PRTG: variants seen among roughly 807,000 people sequenced by gnomAD.
PRTG encodes immunoglobulin superfamily, DCC subclass, member 5.
PRTG carries 67 observed loss-of-function variants against 122.5 expected under a neutral mutation model. The ratio of observed to expected loss-of-function variants is 0.55; its 90% CI spans 0.45 to 0.67. The LOEUF (loss-of-function observed/expected upper bound fraction) is 0.67, where lower values mean the gene tolerates loss of function less well. Ranked by LOEUF, PRTG falls within the 30% of genes least tolerant of loss-of-function variation. The pLI is 0.00. For synonymous variants in PRTG, 554 were observed against 501.1 expected, an observed-to-expected ratio of 1.11 and a Z score of -1.41; for missense variants, 1,435 against 1,415.4, an observed-to-expected ratio of 1.01 and a Z score of -0.22.
At chr15:55,655,025 T>C (rs1194034239) in intron 11 of PRTG, 1 of 152,198 alleles carries the variant, frequency 6.6e-6, no homozygotes, top group Non-Finnish European at 1.5e-5. Context: ...AAACCAATCT[T>C]AAATTCTTCT....
chr15:55,680,417 AC>A (rs2059531095), intron 5 of PRTG, 73 bp downstream of exon 5: 1 of 1,424,802 alleles, frequency 7.0e-7, no homozygotes, highest in African/African-American at 1.5e-5. Context: ...TATAAAATAA[AC>A]ATTTTATAAA....
At position 55,680,481 on chromosome 15, in the gene PRTG, G is replaced by A. The variant is rs774351054; in HGVS notation, c.814+10C>T. Reference sequence around the variant, plus strand: ...AAAAGACTTTTTTTTTTTTTCCTGAGAAGACTTACCAAGGCGGCTCCAAGA... The same window carrying A: ...AAAAGACTTTTTTTTTTTTTCCTGAAAAGACTTACCAAGGCGGCTCCAAGA... On this transcript the variant is annotated intron_variant, in intron 5 of 19. Transcript: ENST00000389286. 6.4e-7 allele frequency: 1 copy of A among 1,555,010 alleles called. No individual in the cohort carries two copies. Among genetic ancestry groups the A allele is most frequent in the Non-Finnish European group, 8.6e-7 (1 of 1,158,962 alleles).
At chr15:55,666,723 G>T (rs548073835) in intron 11 of PRTG, among the ~76,000 whole-genome samples, 1 of 152,274 alleles carries the variant, frequency 6.6e-6, no homozygotes, top group South Asian at 2.1e-4. Flanking sequence ...TAAATACATT[G>T]CTCTCCTGGG....
intron 2 of PRTG, among the ~76,000 whole-genome samples, chr15:55,733,019 G>C (rs1164193134): frequency 2.0e-5 from 3 of 152,040 alleles, no homozygotes; most frequent in African/African-American, 7.2e-5. Context: ...AGACCATTCT[G>C]GTCACATGGG....
intron 6 of PRTG, 190 bp from the exon 7 acceptor site, chr15:55,679,635 T>A: frequency 1.9e-6 from 1 of 515,010 alleles, no homozygotes; most frequent in Non-Finnish European, 3.4e-6. Context: ...ACTTCCTCCA[T>A]GATTTCCCTA....
rs1567106830 is a variant in PRTG at position 55,702,531 on chromosome 15, C to CT, written c.398-18601_398-18600insA. 5.9e-5 allele frequency among the ~76,000 whole-genome samples: 9 copies of CT among 152,258 alleles called. No individual in the cohort carries two copies. The South Asian group carries it at 1.9e-3, about 32-fold the overall frequency. On this transcript the variant is annotated intron_variant, in intron 2 of 19. Coordinates refer to ENST00000389286, the MANE Select transcript of PRTG (RefSeq NM_173814.6). ...TCTAGAGCATATAGTATAATGTGTA[C>CT]ATAGTAATAATCTGAAGAACCATAA...
At position 55,673,461 on chromosome 15, in the gene PRTG, G is replaced by C; in HGVS notation, c.1762C>G (p.Leu588Val). The C allele has an allele frequency of 6.2e-7, 1 of 1,614,146 alleles. No individual in the cohort carries two copies. The highest frequency in any genetic ancestry group is 8.5e-7 in the Non-Finnish European group (1 of 1,179,998). The change falls in exon 10 of 20, where the codon CTG (leucine) becomes GTG (valine). Residue 588 changes from leucine to valine, a missense_variant. Coordinates refer to ENST00000389286, the MANE Select transcript of PRTG (RefSeq NM_173814.6). ...CTGGTGGCAGCAGTAATCCGAACCA[G>C]GTAGACACTGTCAGGTTTCAGGCCT... The part of the protein sequence containing the change: ...LEGLKPDSVY[L>V]VRITAATRVG...
intron 16 of PRTG, among the ~76,000 whole-genome samples, chr15:55,627,911 C>A (rs115417045): frequency 0.012 from 1,896 of 152,158 alleles, 46 homozygotes; most frequent in African/African-American, 0.04. Flanking sequence ...TGGGGTGGGG[C>A]ATGTGATTCT....
In PRTG at chr15:55,638,590, C is replaced by A. The variant is rs1310648494; in HGVS notation, c.2411G>T (p.Ser804Ile). Residue 804 changes from serine to isoleucine, a missense_variant, in exon 14 of 20, where the codon AGT becomes ATT. Ser to Ile is a moderately radical substitution (Grantham distance 142). Coordinates refer to ENST00000389286, the MANE Select transcript of PRTG (RefSeq NM_173814.6). ...AVRLHVDQLS[S>I]PWSPVVYHST... ...ATGGTAGACTACAGGGCTCCAAGGA[C>A]TGGAAAGCTGATCCACATGTAATCG... 1 of 1,613,420 alleles carries A rather than the reference C, an allele frequency of 6.2e-7. No homozygotes were observed. Among genetic ancestry groups the A allele is most frequent in the Non-Finnish European group, 8.5e-7 (1 of 1,179,610 alleles).
chr15:55,673,948 T>C (rs1376394016), intron 9 of PRTG, among the ~76,000 whole-genome samples: 2 of 152,202 alleles, frequency 1.3e-5, no homozygotes, highest in Non-Finnish European at 2.9e-5. Context: ...GAATATTTGA[T>C]ATTCATACAA....
rs545213275 is a variant in PRTG at position 55,700,047 on chromosome 15, T to C, written c.398-16116A>G. 5.3e-5 allele frequency among the ~76,000 whole-genome samples: 8 copies of C among 152,286 alleles called. No homozygotes were observed. In the South Asian group the frequency reaches 1.7e-3, roughly 32 times the overall value. ...CACTGTCTGATTTCAAGAATTAAAATGATTTCAAAAATTACTGATAAAGGA... is the reference window on the plus strand; with the variant it reads ...CACTGTCTGATTTCAAGAATTAAAACGATTTCAAAAATTACTGATAAAGGA... On this transcript the variant is annotated intron_variant, in intron 2 of 19. Coordinates refer to ENST00000389286, the MANE Select transcript of PRTG (RefSeq NM_173814.6).
At position 55,683,775 on chromosome 15, in the gene PRTG, A is replaced by C; in HGVS notation, c.542+12T>G. ...TCCCATATCATCTCCAAAGACAAAA[A>C]TCTACATCTACCTGTCCATAGTCAT... On this transcript the variant is annotated intron_variant, in intron 3 of 19. Coordinates refer to ENST00000389286, the MANE Select transcript of PRTG (RefSeq NM_173814.6). 1 of 1,603,888 alleles carries C rather than the reference A, an allele frequency of 6.2e-7. No homozygotes were observed. The highest frequency in any genetic ancestry group is 2.2e-5 in the East Asian group (1 of 44,600).
chr15:55,625,626 C>CA (rs1567073030), intron 17 of PRTG, among the ~76,000 whole-genome samples: 1 of 140,314 alleles, frequency 7.1e-6, no homozygotes, highest in Non-Finnish European at 1.5e-5. Context: ...CTAATTTTAA[C>CA]TTTTTTTTTT....
intron 2 of PRTG, among the ~76,000 whole-genome samples, chr15:55,706,244 T>C (rs1022364210): frequency 2.6e-5 from 4 of 151,822 alleles, no homozygotes; most frequent in African/African-American, 9.7e-5. Flanking sequence ...ACCCACAGGA[T>C]GCTACAACAA....
chr15:55,726,875 C>A (rs1402927598), intron 2 of PRTG, among the ~76,000 whole-genome samples: 22 of 149,052 alleles, frequency 1.5e-4, no homozygotes, highest in African/African-American at 4.4e-4. Context: ...TGAGTCTGGG[C>A]AAGCAGAGTT....
chr15:55,716,212 G>A, intron 2 of PRTG, among the ~76,000 whole-genome samples: 1 of 152,158 alleles, frequency 6.6e-6, no homozygotes, highest in East Asian at 1.9e-4. Flanking sequence ...CAGCCTGGGT[G>A]ACAGTGAAAC....
chr15:55,638,630 A>T lies in PRTG; in HGVS notation c.2371T>A (p.Tyr791Asn). Residue 791 changes from tyrosine to asparagine, a missense_variant, in exon 14 of 20, where the codon TAC (tyrosine) becomes AAC (asparagine). Coordinates refer to ENST00000389286, the MANE Select transcript of PRTG (RefSeq NM_173814.6). ...ACATGTAATCGAACGGCAAATTCGT[A>T]TTTGGTGTTTGGTTCTAGACCTTGA... ...LVQGLEPNTK[Y>N]EFAVRLHVDQ... The T allele has an allele frequency of 6.2e-7, 1 of 1,613,608 alleles. No individual in the cohort carries two copies. The highest frequency in any genetic ancestry group is 8.5e-7 in the Non-Finnish European group (1 of 1,179,660).
intron 11 of PRTG, among the ~76,000 whole-genome samples, chr15:55,664,104 G>GT (rs1461562503): frequency 1.3e-5 from 2 of 152,206 alleles, no homozygotes; most frequent in African/African-American, 4.8e-5. Context: ...TTTGTGTACA[G>GT]TTTTTTTGTC....
intron 2 of PRTG, among the ~76,000 whole-genome samples, chr15:55,727,104 G>C (rs1236214098): frequency 6.6e-6 from 1 of 151,722 alleles, no homozygotes; most frequent in Non-Finnish European, 1.5e-5. Context: ...TGAAGAACCA[G>C]AAAAAGAAGT....
Sources: allele counts gnomAD v4.1 joint callset (sites outside exome capture counted in the v4.1 genomes callset), GRCh38; gene constraint gnomAD v4.1.1; transcripts MANE v1.5; gene names NCBI Gene and HGNC (gene_info 2026-07-23, HGNC 2026-07-21).